The following RNF111 variants were observed in gnomAD, a reference collection of about 807,000 sequenced individuals.
RNF111 encodes the protein E3 ubiquitin-protein ligase Arkadia.
RNF111 carries 17 observed loss-of-function variants against 95.1 expected under a neutral mutation model. The ratio of observed to expected loss-of-function variants is 0.18; its 90% CI spans 0.12 to 0.27. The LOEUF (loss-of-function observed/expected upper bound fraction) is 0.27, where lower values mean the gene tolerates loss of function less well. Among genes scored for constraint, RNF111 ranks in the 10% least tolerant of loss-of-function variants. The pLI is 1.00. For synonymous variants in RNF111, 440 were observed against 414.8 expected (o/e 1.06, Z -0.74); for missense variants, 1,189 against 1,210.4 (o/e 0.98, Z 0.26).
chr15:59,088,063 T>A (rs2078948445), intron 10 of RNF111, among the ~76,000 whole-genome samples: 1 of 152,194 alleles, frequency 6.6e-6, no homozygotes, highest in African/African-American at 2.4e-5. Flanking sequence ...TGGTTGGCAG[T>A]AATTCCAGGA....
At chr15:58,988,879 A>C (rs1039999755) in intron 1 of RNF111, among the ~76,000 whole-genome samples, 3 of 152,230 alleles carry the variant, frequency 2.0e-5, no homozygotes, top group Non-Finnish European at 4.4e-5. Context: ...GTAAGATGCC[A>C]GCTGACATAG....
intron 1 of RNF111, among the ~76,000 whole-genome samples, chr15:59,003,239 C>T (rs953461996): frequency 6.6e-6 from 1 of 151,130 alleles, no homozygotes; most frequent in Non-Finnish European, 1.5e-5. Flanking sequence ...CCTCAGCCTC[C>T]TGAGTAGCTG....
At chr15:59,013,305 T>C (rs1485667570) in intron 1 of RNF111, among the ~76,000 whole-genome samples, 3 of 152,236 alleles carry the variant, frequency 2.0e-5, no homozygotes, top group Non-Finnish European at 4.4e-5. Flanking sequence ...TACACGTTTG[T>C]CATGACTAAG....
At chr15:59,009,728 G>A (rs748584309) in intron 1 of RNF111, among the ~76,000 whole-genome samples, 1 of 152,082 alleles carries the variant, frequency 6.6e-6, no homozygotes, top group Non-Finnish European at 1.5e-5. Flanking sequence ...GTTGAGGCAG[G>A]TAGATCACTT....
intron 2 of RNF111, among the ~76,000 whole-genome samples, chr15:59,037,078 G>C (rs960317724): frequency 6.6e-6 from 1 of 150,932 alleles, no homozygotes; most frequent in Non-Finnish European, 1.5e-5. Context: ...CTTAAGTGAT[G>C]TGCCTGCCTC....
At chr15:59,027,278 A>G (rs1205541406) in intron 1 of RNF111, among the ~76,000 whole-genome samples, 1 of 152,140 alleles carries the variant, frequency 6.6e-6, no homozygotes, top group Non-Finnish European at 1.5e-5. Context: ...GGGTTTCTGG[A>G]AGAACCCCAG....
At chr15:59,059,174 A>G (rs150925872) in intron 5 of RNF111, among the ~76,000 whole-genome samples, 236 of 152,312 alleles carry the variant, frequency 1.5e-3, no homozygotes, top group African/African-American at 5.4e-3. Context: ...CCCAACAGAA[A>G]GACAACCCAA....
chr15:59,059,933 T>A (rs796917882), intron 5 of RNF111, among the ~76,000 whole-genome samples: 16 of 152,342 alleles, frequency 1.1e-4, no homozygotes, highest in African/African-American at 3.8e-4. Flanking sequence ...ATTTAATTCT[T>A]TTAATATTCA....
chr15:59,091,427 A>G (rs1406946739), intron 12 of RNF111, among the ~76,000 whole-genome samples: 1 of 152,160 alleles, frequency 6.6e-6, no homozygotes, highest in Non-Finnish European at 1.5e-5. Context: ...GCATATGTAT[A>G]TATATTTTTG....
chr15:59,022,300 A>G (rs1408053867), intron 1 of RNF111, among the ~76,000 whole-genome samples: 1 of 152,152 alleles, frequency 6.6e-6, no homozygotes, highest in Non-Finnish European at 1.5e-5. Context: ...AGAGAATTTT[A>G]CTTCATTCAG....
intron 6 of RNF111, among the ~76,000 whole-genome samples, chr15:59,071,033 C>A (rs2042900519): frequency 6.6e-6 from 1 of 151,926 alleles, no homozygotes; most frequent in Non-Finnish European, 1.5e-5. Flanking sequence ...CGCGGTGGCT[C>A]ACGCCTGTCA....
intron 9 of RNF111, 169 bp from the exon 10 acceptor site, chr15:59,085,490 A>G (rs866176895): frequency 1.2e-5 from 6 of 488,260 alleles, no homozygotes; most frequent in Non-Finnish European, 1.9e-5. Context: ...TTTCAGTTCT[A>G]AAATAAATTT....
At chr15:59,080,906 T>C (rs756903224) in intron 7 of RNF111, 30 bp from the exon 8 acceptor site, 24 of 1,547,770 alleles carry the variant, frequency 1.6e-5, no homozygotes, top group Non-Finnish European at 1.9e-5. Context: ...ATGGTGCCTA[T>C]GTAACATACT....
At chr15:59,021,381 C>T (rs187473583) in intron 1 of RNF111, among the ~76,000 whole-genome samples, 51 of 152,204 alleles carry the variant, frequency 3.4e-4, no homozygotes, top group African/African-American at 1.2e-3. Flanking sequence ...GAACTCCTGA[C>T]CTCAATTCAT....
Position 59,081,231 on chromosome 15 carries a change from T to C in RNF111, c.2244T>C (p.His748=). ...CTCCAGCACAGAGACTGCATCCTCATGAAGTGATGCAGAGGATGGAAGTTC... is the reference window on the plus strand; with the variant it reads ...CTCCAGCACAGAGACTGCATCCTCACGAAGTGATGCAGAGGATGGAAGTTC... The part of the protein sequence containing the change: ...TAPPAQRLHP[H]EVMQRMEVQR... Residue 748 remains histidine (H), a synonymous_variant, in exon 8 of 14, where the codon CAT becomes CAC. Transcript: ENST00000348370. The C allele has an allele frequency of 4.3e-6, 7 of 1,614,186 alleles. No individual in the cohort carries two copies. Among genetic ancestry groups the C allele is most frequent in the Non-Finnish European group, 5.9e-6 (7 of 1,180,032 alleles).
Position 59,088,541 on chromosome 15 carries a change from G to T in RNF111, c.2551-1126G>T, listed in dbSNP as rs1431634831. On this transcript the variant is annotated intron_variant, in intron 10 of 13. Transcript: ENST00000348370. ...CTATAAATTCTGCTTAAAGTATGTT[G>T]TGATTCAGTGTAGGCTAATTAAAAA... Among the ~76,000 whole-genome samples the T allele has an allele frequency of 2.0e-5, 3 of 152,270 alleles. No homozygotes were observed. In the East Asian group the frequency reaches 5.8e-4, roughly 29 times the overall value.
At chr15:59,028,325 C>G (rs532254600) in intron 1 of RNF111, among the ~76,000 whole-genome samples, 4 of 151,972 alleles carry the variant, frequency 2.6e-5, no homozygotes, top group African/African-American at 2.4e-5. Flanking sequence ...GTCTGCGCCC[C>G]TGTCCAAGGG....
At chr15:58,994,889 C>G (rs1407997115) in intron 1 of RNF111, among the ~76,000 whole-genome samples, 1 of 152,096 alleles carries the variant, frequency 6.6e-6, no homozygotes. Flanking sequence ...TATCACTGCA[C>G]CAGTTACAAA....
intron 8 of RNF111, among the ~76,000 whole-genome samples, chr15:59,082,332 A>G (rs2078769055): frequency 1.3e-5 from 2 of 152,208 alleles, no homozygotes; most frequent in African/African-American, 2.4e-5. Flanking sequence ...TTTCTGCAAT[A>G]TCGTGTGGTA....
Sources: gnomAD v4.1 joint callset for allele counts (sites outside exome capture counted in the v4.1 genomes callset) on GRCh38, gnomAD v4.1.1 for gene constraint, MANE v1.5 for transcripts, NCBI Gene and HGNC (gene_info 2026-07-23, HGNC 2026-07-21) for gene names.